Variants in DNM3 observed in about 807,000 individuals in gnomAD.
DNM3 encodes dynamin-3.
DNM3 carries 47 observed loss-of-function variants against 101.6 expected under a neutral mutation model. That is an observed-to-expected ratio of 0.46 (90% CI 0.37 to 0.59). The LOEUF is 0.59. DNM3 is among the 20% of genes least tolerant of loss of function. DNM3 has a pLI of 0.00. For missense variants in DNM3, 849 were observed against 1,085.7 expected, an observed-to-expected ratio of 0.78 and a Z score of 3.06; for synonymous variants, 385 against 387.9, an observed-to-expected ratio of 0.99 and a Z score of 0.09.
chr1:172,152,951 A>G (rs558572600), intron 14 of DNM3, among the ~76,000 whole-genome samples: 9 of 152,328 alleles, frequency 5.9e-5, no homozygotes, highest in African/African-American at 2.2e-4. Flanking sequence ...ACTAAAGCCA[A>G]GTGTTTCGGC....
chr1:172,262,719 C>A (rs2062709877), intron 15 of DNM3, among the ~76,000 whole-genome samples: 1 of 152,130 alleles, frequency 6.6e-6, no homozygotes, highest in African/African-American at 2.4e-5. Context: ...AGGCAAATAC[C>A]AGATTGATCT....
chr1:172,259,301 G>A (rs548977937), intron 15 of DNM3, among the ~76,000 whole-genome samples: 11 of 152,078 alleles, frequency 7.2e-5, no homozygotes, highest in South Asian at 4.2e-4. Context: ...ATGTTTCTTC[G>A]TTAATTTTCA....
chr1:172,039,797 C>T (rs1247382657), intron 7 of DNM3, among the ~76,000 whole-genome samples: 1 of 152,042 alleles, frequency 6.6e-6, no homozygotes, highest in Admixed American at 6.6e-5. Context: ...GTTCTTCCTC[C>T]TTCCTCTAAT....
intron 4 of DNM3, among the ~76,000 whole-genome samples, chr1:172,017,929 A>G (rs1271596326): frequency 1.3e-5 from 2 of 152,092 alleles, no homozygotes; most frequent in Non-Finnish European, 1.5e-5. Flanking sequence ...TAGAGAAATG[A>G]CCTTTTTATT....
chr1:172,210,347 G>A (rs974177224), intron 14 of DNM3, among the ~76,000 whole-genome samples: 1 of 96,620 alleles, frequency 1.0e-5, no homozygotes, highest in Non-Finnish European at 2.0e-5. Flanking sequence ...TTGCCTGTTT[G>A]CGTTCTGAAC....
At chr1:172,097,871 G>A (rs368956130) in intron 13 of DNM3, among the ~76,000 whole-genome samples, 3 of 152,098 alleles carry the variant, frequency 2.0e-5, no homozygotes, top group Non-Finnish European at 2.9e-5. Flanking sequence ...GTGTTGGCAG[G>A]TTCTGTGATG....
At chr1:172,236,466 A>G (rs2061550024) in intron 14 of DNM3, among the ~76,000 whole-genome samples, 1 of 152,172 alleles carries the variant, frequency 6.6e-6, no homozygotes. Context: ...ACTTGTTAAC[A>G]TTGGTAGTTA....
In DNM3 at chr1:171,911,230, A is replaced by G. The variant is rs989801017; in HGVS notation, c.162-10518A>G. Among the ~76,000 whole-genome samples, 4 of 145,704 alleles carry G rather than the reference A, an allele frequency of 2.7e-5. No individual in the cohort carries two copies. The Admixed American group carries it at 2.8e-4, about 10-fold the overall frequency. Reference sequence around the variant, plus strand: ...TGTTTTAGTGGAGAAAGCAACCTACACTTTTTTGGCTTCCAATTAAATACC... The same window carrying G: ...TGTTTTAGTGGAGAAAGCAACCTACGCTTTTTTGGCTTCCAATTAAATACC... On this transcript the variant is annotated intron_variant, in intron 1 of 20. Coordinates refer to ENST00000627582, the MANE Select transcript of DNM3 (RefSeq NM_015569.5).
At chr1:171,962,048 A>G (rs1413777719) in intron 2 of DNM3, among the ~76,000 whole-genome samples, 1 of 152,140 alleles carries the variant, frequency 6.6e-6, no homozygotes, top group Non-Finnish European at 1.5e-5. Flanking sequence ...TCACATGGTT[A>G]GGGGGAAGAG....
intron 16 of DNM3, chr1:172,309,653 C>A (rs544475520): frequency 2.0e-5 from 3 of 152,270 alleles, no homozygotes; most frequent in Admixed American, 2.0e-4. Flanking sequence ...TCCTGAGGTG[C>A]CTACTTGGCT....
chr1:171,875,882 C>T (rs1035553406), intron 1 of DNM3, among the ~76,000 whole-genome samples: 11 of 129,110 alleles, frequency 8.5e-5, no homozygotes, highest in African/African-American at 3.1e-4. Context: ...GCGATCTGGG[C>T]TCACTGCAGC....
chr1:172,040,551 C>A (rs1376611538), intron 7 of DNM3, among the ~76,000 whole-genome samples: 2 of 151,148 alleles, frequency 1.3e-5, no homozygotes, highest in African/African-American at 2.4e-5. Context: ...TTTCCTGGGA[C>A]AAATATTTAT....
At chr1:172,278,185 C>T (rs148762073) in intron 15 of DNM3, among the ~76,000 whole-genome samples, 1,800 of 152,206 alleles carry the variant, frequency 0.012, 14 homozygotes, top group Non-Finnish European at 0.018. Flanking sequence ...AGTCTATTTT[C>T]CTTAGGTGTA....
intron 17 of DNM3, among the ~76,000 whole-genome samples, chr1:172,353,642 C>T (rs189465933): frequency 1.5e-3 from 224 of 152,150 alleles, no homozygotes; most frequent in African/African-American, 5.1e-3. Flanking sequence ...ACTTAGAGCT[C>T]GGAAACTTGA....
chr1:172,389,510 G>A (rs192399436), intron 20 of DNM3, among the ~76,000 whole-genome samples: 3 of 152,262 alleles, frequency 2.0e-5, no homozygotes, highest in Non-Finnish European at 4.4e-5. Flanking sequence ...AGTTGGAGCT[G>A]TAGTCTCACC....
In DNM3 at chr1:172,163,244, T is replaced by G. The variant is rs79975622; in HGVS notation, c.1659+31956T>G. Among the ~76,000 whole-genome samples the G allele has an allele frequency of 1.2e-4, 4 of 32,734 alleles. No homozygotes were observed. The Admixed American group carries it at 1.3e-3, about 11-fold the overall frequency. The allele number at this position is 32,734 out of a possible 152,430, so 21.5% of individuals were successfully genotyped here. A position where few individuals can be genotyped will look rare whatever the true frequency, so the allele number is the denominator to read the frequency against. On this transcript the variant is annotated intron_variant, in intron 14 of 20. Coordinates refer to ENST00000627582, the MANE Select transcript of DNM3 (RefSeq NM_015569.5). ...TTTACAGTGCAATATTCTTTTTTTG[T>G]TTTTTTTTTTTTTTGAGACGGAGTC...
rs77734848 is a variant in DNM3 at position 172,110,550 on chromosome 1, T to C, written c.1545+17675T>C. ...GGAATTAAATCACCAGCTACATAAA[T>C]GTTCTATAAAATAATGACTCAAACT... On this transcript the variant is annotated intron_variant, in intron 13 of 20. Transcript: ENST00000627582. Among the ~76,000 whole-genome samples, 1,122 of 152,268 alleles carry C rather than the reference T, an allele frequency of 7.4e-3. 20 individuals carry two copies. The highest frequency in any genetic ancestry group is 0.026 in the African/African-American group (1,069 of 41,536).
chr1:172,163,596 T>C (rs2148302245), intron 14 of DNM3, among the ~76,000 whole-genome samples: 1 of 152,108 alleles, frequency 6.6e-6, no homozygotes, highest in East Asian at 1.9e-4. Context: ...TAGTTTGTTG[T>C]ATTACTGAAA....
chr1:171,923,032 G>A (rs193285290), intron 2 of DNM3, among the ~76,000 whole-genome samples: 351 of 152,282 alleles, frequency 2.3e-3, no homozygotes, highest in Non-Finnish European at 3.6e-3. Context: ...TTTCTGTGTG[G>A]ACATGTGTTT....
Sources: allele counts gnomAD v4.1 joint callset (sites outside exome capture counted in the v4.1 genomes callset), GRCh38; gene constraint gnomAD v4.1.1; transcripts MANE v1.5; gene names NCBI Gene and HGNC (gene_info 2026-07-23, HGNC 2026-07-21).